Variants in CAMK1 observed in about 807,000 individuals in gnomAD.
CAMK1 encodes the protein calcium/calmodulin dependent protein kinase I, also known as calcium/calmodulin-dependent protein kinase type 1.
CAMK1 carries 39 observed loss-of-function variants against 49.1 expected under a neutral mutation model. The ratio of observed to expected loss-of-function variants is 0.79; its 90% confidence interval spans 0.62 to 1.04. The LOEUF is 1.04. Ranked by LOEUF, CAMK1 falls within the 50% of genes least tolerant of loss-of-function variation. The pLI is 0.00. For missense variants in CAMK1, 457 were observed against 472.2 expected (o/e 0.97, Z 0.30); for synonymous variants, 192 against 185.2 (o/e 1.04, Z -0.30).
In CAMK1 at chr3:9,759,505, C is replaced by CA. The variant is rs2077744492; in HGVS notation, c.894dup (p.Ala299CysfsTer131). The CA allele has an allele frequency of 1.2e-6, 2 of 1,614,152 alleles. No homozygotes were observed. Among genetic ancestry groups the CA allele is most frequent in the Non-Finnish European group, 1.7e-6 (2 of 1,180,024 alleles). On this transcript the variant is annotated frameshift_variant, in exon 10 of 12. Transcript: ENST00000256460. LOFTEE classifies it high-confidence loss of function. ...GGACTCACCTTCCACTTGCTCTTGG[C>CA]AAAGTTCTTCTTGATCTGCTCACTC...
chr3:9,763,287 G>A, intron 3 of CAMK1, 74 bp from the exon 4 acceptor site: 2 of 1,592,548 alleles, frequency 1.3e-6, no homozygotes, highest in Admixed American at 3.4e-5. Context: ...TGGGAACTTG[G>A]GAGGCTGAGG....
At chr3:9,767,529 G>T in intron 2 of CAMK1, 138 bp downstream of exon 2, 1 of 1,034,100 alleles carries the variant, frequency 9.7e-7, no homozygotes, top group East Asian at 2.6e-5. Flanking sequence ...TGAAAAGCTG[G>T]GGACAGTTTA....
Position 9,760,696 on chromosome 3 carries a change from G to A in CAMK1, c.705C>T (p.Tyr235=), listed in dbSNP as rs143557505. 27 of 1,613,908 alleles carry A rather than the reference G, an allele frequency of 1.7e-5. 1 individual carries two copies. Among genetic ancestry groups the A allele is most frequent in the East Asian group, 2.2e-5 (1 of 44,864 alleles). Residue 235 remains tyrosine, a synonymous_variant, in exon 8 of 12, where the codon TAC becomes TAT. Transcript: ENST00000256460. ...KLFEQILKAE[Y]EFDSPYWDDI... is the part of the protein sequence containing the mutation. Reference sequence around the variant, plus strand: ...CGTCCCAGTAAGGAGAGTCAAACTCGTACTCGGCCTTCAAAATCTGTTCAA... The same window carrying A: ...CGTCCCAGTAAGGAGAGTCAAACTCATACTCGGCCTTCAAAATCTGTTCAA...
chr3:9,769,456 C>T (rs2078246904), intron 1 of CAMK1, among the ~76,000 whole-genome samples: 1 of 152,256 alleles, frequency 6.6e-6, no homozygotes, highest in East Asian at 1.9e-4. Flanking sequence ...GTGGACACCC[C>T]TCTGGAACAA....
At chr3:9,767,863 C>A in intron 1 of CAMK1, 82 bp from the exon 2 acceptor site, 1 of 1,488,174 alleles carries the variant, frequency 6.7e-7, no homozygotes, top group Non-Finnish European at 9.0e-7. Flanking sequence ...TTCAGTCATT[C>A]AACCTGCATT....
At chr3:9,760,504 G>GA in intron 8 of CAMK1, 152 bp downstream of exon 8, 1 of 679,398 alleles carries the variant, frequency 1.5e-6, no homozygotes, top group Non-Finnish European at 2.6e-6. Flanking sequence ...CAAGCAGAAG[G>GA]AAGAAGGGGT....
chr3:9,769,549 C>G (rs1356634195), intron 1 of CAMK1, among the ~76,000 whole-genome samples: 1 of 152,202 alleles, frequency 6.6e-6, no homozygotes, highest in East Asian at 1.9e-4. Context: ...AGCCCCCCCA[C>G]CCCATGGATA....
At chr3:9,758,488 A>G (rs550607376) in intron 10 of CAMK1, 3 of 153,834 alleles carry the variant, frequency 2.0e-5, no homozygotes, top group Admixed American at 6.4e-5. Context: ...CTCCTAAATG[A>G]CTCCTGGATC....
In CAMK1 at chr3:9,762,746, A is replaced by T. The variant is rs141880006; in HGVS notation, c.429+168T>A. Reference sequence around the variant, plus strand: ...ACAATTCACTCGTGTTCCTTTGAGTATCTGGACTAGAATGGGAGGAGGCAG... The same window carrying T: ...ACAATTCACTCGTGTTCCTTTGAGTTTCTGGACTAGAATGGGAGGAGGCAG... On this transcript the variant is annotated intron_variant, in intron 5 of 11. Coordinates refer to ENST00000256460, the MANE Select transcript of CAMK1 (RefSeq NM_003656.5). 5.9e-5 allele frequency among the ~76,000 whole-genome samples: 9 copies of T among 152,158 alleles called. No homozygotes were observed. In the East Asian group the frequency reaches 1.7e-3, roughly 29 times the overall value.
Position 9,762,914 on chromosome 3 carries a change from C to G in CAMK1, c.429G>C (p.Lys143Asn). ...CTCACCACACCCCCTTGAGCCCCAC[C>G]TTGAGATCCCGGTGTACAATGCCCA... ...HDLGIVHRDL[K>N]PENLLYYSLD... Residue 143 changes from lysine to asparagine, a missense_variant and splice_region_variant, in exon 5 of 12, where the codon AAG becomes AAC. Transcript: ENST00000256460. 1 of 1,614,112 alleles carries G rather than the reference C, an allele frequency of 6.2e-7. No individual in the cohort carries two copies. The highest frequency in any genetic ancestry group is 8.5e-7 in the Non-Finnish European group (1 of 1,180,018).
At chr3:9,758,051 G>A (rs1008308820) in intron 10 of CAMK1, 1 of 671,546 alleles carries the variant, frequency 1.5e-6, no homozygotes, top group Non-Finnish European at 2.4e-6. Flanking sequence ...TTAGATGTAT[G>A]TGTATCTATA....
At chr3:9,766,564 C>T (rs2125595465) in intron 2 of CAMK1, 1 of 732,404 alleles carries the variant, frequency 1.4e-6, no homozygotes, top group South Asian at 2.1e-5. Context: ...ACAAAATCCT[C>T]AGGTGATTTG....
rs1425689538 is a variant in CAMK1 at position 9,762,901 on chromosome 3, C to A, written c.429+13G>T. 1.9e-6 allele frequency: 3 copies of A among 1,613,906 alleles called. No homozygotes were observed. The highest frequency in any genetic ancestry group is 2.5e-6 in the Non-Finnish European group (3 of 1,179,912). On this transcript the variant is annotated intron_variant, in intron 5 of 11. Transcript: ENST00000256460. Reference sequence around the variant, plus strand: ...CTGGGTACCCTAGCTCACCACACCCCCTTGAGCCCCACCTTGAGATCCCGG... The same window carrying A: ...CTGGGTACCCTAGCTCACCACACCCACTTGAGCCCCACCTTGAGATCCCGG...
chr3:9,765,651 A>G (rs1260760255), intron 3 of CAMK1, 108 bp downstream of exon 3: 1 of 1,321,576 alleles, frequency 7.6e-7, no homozygotes, highest in South Asian at 1.4e-5. Context: ...TAAAGGGGCA[A>G]TTTAAGGCTT....
Position 9,767,672 on chromosome 3 carries a change from C to T in CAMK1, c.78G>A (p.Leu26=), listed in dbSNP as rs201089722. ...CAATCCTGCCCTGGACTCACGTGCCCAGAACATCTCGGAAGTCGTAGATGT... is the reference window on the plus strand; with the variant it reads ...CAATCCTGCCCTGGACTCACGTGCCTAGAACATCTCGGAAGTCGTAGATGT... ...IRDIYDFRDV[L]GTGAFSEVIL... Residue 26 remains leucine (L), a synonymous_variant, in exon 2 of 12, where the codon CTG becomes CTA. Coordinates refer to ENST00000256460, the MANE Select transcript of CAMK1 (RefSeq NM_003656.5). 2 of 1,614,174 alleles carry T rather than the reference C, an allele frequency of 1.2e-6. No individual in the cohort carries two copies. The highest frequency in any genetic ancestry group is 2.7e-5 in the African/African-American group (2 of 75,046).
At position 9,759,573 on chromosome 3, in the gene CAMK1, A is replaced by T; in HGVS notation, c.827T>A (p.Ile276Asn). Residue 276 changes from isoleucine to asparagine, a missense_variant and splice_region_variant, in exon 10 of 12, where the codon ATT (isoleucine) becomes AAT (asparagine). Transcript: ENST00000256460. ...TCEQALQHPWIAGDTALDKNI... is the reference protein window; with the variant it reads ...TCEQALQHPWNAGDTALDKNI... ...CTTATCTAGAGCTGTATCTCCTGCA[A>T]TCCTAGGATGGGGTTATGTGGTGGG... 6.2e-7 allele frequency: 1 copy of T among 1,614,058 alleles called. No individual in the cohort carries two copies. The highest frequency in any genetic ancestry group is 2.2e-5 in the East Asian group (1 of 44,878).
rs752906254 is a variant in CAMK1, at chr3:9,763,196, A to G, written c.233T>C (p.Ile78Thr). The change falls in exon 4 of 12, where the codon ATT becomes ACT. Residue 78 changes from isoleucine to threonine, a missense_variant. Coordinates refer to ENST00000256460, the MANE Select transcript of CAMK1 (RefSeq NM_003656.5). The part of the protein sequence containing the change: ...AVLHKIKHPN[I>T]VALDDIYESG... ...CTCATAGATGTCATCCAGGGCTACA[A>G]TGTTGGGGTGCTTGATCCTGAAAGG... The G allele has an allele frequency of 2.3e-5, 37 of 1,613,832 alleles. No individual in the cohort carries two copies. Among genetic ancestry groups the G allele is most frequent in the Admixed American group, 1.0e-4 (6 of 60,000 alleles).
chr3:9,760,904 T>G (rs1048568163), intron 7 of CAMK1, 136 bp from the exon 8 acceptor site: 1 of 1,288,556 alleles, frequency 7.8e-7, no homozygotes, highest in African/African-American at 1.5e-5. Context: ...CAGCCCTGCC[T>G]GCTCACTCCT....
At chr3:9,761,214 AAAGT>A (rs1447186688) in intron 7 of CAMK1, 7 of 449,726 alleles carry the variant, frequency 1.6e-5, no homozygotes, top group Non-Finnish European at 2.4e-5. Flanking sequence ...TACTAGAAAG[AAAGT>A]CAGCTCCCTG....
Sources: gnomAD v4.1 joint callset for allele counts (sites outside exome capture counted in the v4.1 genomes callset) on GRCh38, gnomAD v4.1.1 for gene constraint, MANE v1.5 for transcripts, NCBI Gene and HGNC (gene_info 2026-07-23, HGNC 2026-07-21) for gene names.